The following CTNNA2 variants were observed in gnomAD, a reference collection of about 807,000 sequenced individuals.
CTNNA2 encodes catenin alpha-2.
In CTNNA2, 42 loss-of-function variants were observed where a neutral mutation model predicts 101.0. That is an observed-to-expected ratio of 0.42 (90% CI 0.32 to 0.54). The LOEUF is 0.54. CTNNA2 is among the 20% of genes least tolerant of loss of function. CTNNA2 has a pLI of 0.14. For synonymous variants in CTNNA2, 450 were observed against 456.4 expected (o/e 0.99, Z 0.18); for missense variants, 871 against 1,223.1 (o/e 0.71, Z 4.29).
intron 7 of CTNNA2, among the ~76,000 whole-genome samples, chr2:80,292,786 TTTGA>T (rs1191062426): frequency 6.6e-6 from 1 of 152,240 alleles, no homozygotes; most frequent in Non-Finnish European, 1.5e-5. Flanking sequence ...GTTGTGCTAC[TTTGA>T]TTGAATGAGT....
chr2:80,498,556 G>A (rs1265494194), intron 9 of CTNNA2, among the ~76,000 whole-genome samples: 1 of 152,102 alleles, frequency 6.6e-6, no homozygotes, highest in Non-Finnish European at 1.5e-5. Context: ...GTGAATACAT[G>A]AAGATGCCTT....
At chr2:80,050,731 C>T (rs543805264) in intron 7 of CTNNA2, among the ~76,000 whole-genome samples, 1 of 152,282 alleles carries the variant, frequency 6.6e-6, no homozygotes, top group Admixed American at 6.5e-5. Flanking sequence ...GGTGGGGTCT[C>T]ACCCTGTCAC....
At chr2:80,188,944 C>CTTTTT (rs34090029) in intron 7 of CTNNA2, among the ~76,000 whole-genome samples, 2 of 74,686 alleles carry the variant, frequency 2.7e-5, no homozygotes, top group African/African-American at 6.1e-5. Context: ...CAGGTGGTCA[C>CTTTTT]TTTTTTTTTT....
At chr2:79,197,170 A>T (rs1238258916) in intron 1 of CTNNA2, among the ~76,000 whole-genome samples, 1 of 152,210 alleles carries the variant, frequency 6.6e-6, no homozygotes, top group Non-Finnish European at 1.5e-5. Flanking sequence ...ATGTGGAAAT[A>T]AATAAAGAGC....
chr2:80,049,530 C>T (rs1696735040), intron 7 of CTNNA2, among the ~76,000 whole-genome samples: 1 of 152,208 alleles, frequency 6.6e-6, no homozygotes, highest in Non-Finnish European at 1.5e-5. Flanking sequence ...GGACCTCCAA[C>T]CCCCTTGAAC....
chr2:80,070,392 C>T (rs906583365), intron 7 of CTNNA2, among the ~76,000 whole-genome samples: 5 of 152,082 alleles, frequency 3.3e-5, no homozygotes, highest in African/African-American at 1.2e-4. Context: ...CATAAAGCAA[C>T]AGAAATTTGT....
chr2:79,401,705 C>A (rs1169803560), intron 4 of CTNNA2, among the ~76,000 whole-genome samples: 4 of 151,216 alleles, frequency 2.6e-5, no homozygotes, highest in African/African-American at 7.3e-5. Context: ...CTAAAAAAAA[C>A]CCAGATGTAA....
At chr2:79,893,364 T>C (rs1484050588) in intron 6 of CTNNA2, among the ~76,000 whole-genome samples, 1 of 152,116 alleles carries the variant, frequency 6.6e-6, no homozygotes, top group East Asian at 1.9e-4. Context: ...TTTTATGGGA[T>C]TGGGAAGAGG....
At chr2:79,219,136 CT>C (rs1314057540) in intron 2 of CTNNA2, among the ~76,000 whole-genome samples, 1 of 152,118 alleles carries the variant, frequency 6.6e-6, no homozygotes, top group African/African-American at 2.4e-5. Flanking sequence ...CATGAGCATC[CT>C]TCACATTCTA....
chr2:80,275,700 C>CAG (rs1276650771), intron 7 of CTNNA2, among the ~76,000 whole-genome samples: 25 of 151,644 alleles, frequency 1.6e-4, no homozygotes, highest in African/African-American at 6.0e-4. Flanking sequence ...AAGAATTTTT[C>CAG]AGAGAGAGAG....
At chr2:80,550,378 C>T (rs1203205898) in intron 11 of CTNNA2, among the ~76,000 whole-genome samples, 1 of 152,186 alleles carries the variant, frequency 6.6e-6, no homozygotes, top group African/African-American at 2.4e-5. Flanking sequence ...TGAAGGATGG[C>T]GTGGCTGTGG....
intron 6 of CTNNA2, among the ~76,000 whole-genome samples, chr2:79,883,109 G>A (rs983562310): frequency 4.6e-5 from 7 of 152,106 alleles, no homozygotes; most frequent in Admixed American, 6.5e-5. Context: ...GCCTCCGATC[G>A]CCTCTGTTTC....
At chr2:80,007,706 A>T (rs1172878982) in intron 7 of CTNNA2, among the ~76,000 whole-genome samples, 1 of 152,208 alleles carries the variant, frequency 6.6e-6, no homozygotes, top group Admixed American at 6.5e-5. Context: ...GATCAGATTT[A>T]GGAGGCTTGG....
intron 2 of CTNNA2, among the ~76,000 whole-genome samples, chr2:79,695,231 A>G (rs1030075866): frequency 3.9e-5 from 6 of 151,996 alleles, no homozygotes; most frequent in African/African-American, 1.4e-4. Flanking sequence ...CATCTTGGAC[A>G]CACTTTAGTG....
At chr2:79,593,983 G>A (rs759193243) in intron 1 of CTNNA2, among the ~76,000 whole-genome samples, 1 of 147,062 alleles carries the variant, frequency 6.8e-6, no homozygotes, top group African/African-American at 2.5e-5. Context: ...CGGCCTCCCA[G>A]GTTCAAGCAA....
At chr2:79,827,559 C>T (rs1020718910) in intron 3 of CTNNA2, among the ~76,000 whole-genome samples, 3 of 152,156 alleles carry the variant, frequency 2.0e-5, no homozygotes, top group African/African-American at 7.2e-5. Context: ...AGGAGCATGA[C>T]ACATGGAATG....
At chr2:80,275,003 GT>G (rs1281046314) in intron 7 of CTNNA2, among the ~76,000 whole-genome samples, 1 of 152,198 alleles carries the variant, frequency 6.6e-6, no homozygotes, top group East Asian at 1.9e-4. Flanking sequence ...TAGAAGGTAT[GT>G]AATAATTAGA....
chr2:79,832,894 T>C (rs190153823), intron 3 of CTNNA2, among the ~76,000 whole-genome samples: 95 of 152,356 alleles, frequency 6.2e-4, no homozygotes, highest in African/African-American at 2.2e-3. Flanking sequence ...ACTATTCTCG[T>C]AAATTTTAAA....
intron 6 of CTNNA2, among the ~76,000 whole-genome samples, chr2:79,903,805 A>T: frequency 6.6e-6 from 1 of 152,276 alleles, no homozygotes; most frequent in South Asian, 2.1e-4. Context: ...TCATTGGAGG[A>T]GTCCCTGTTG....
Sources: gnomAD v4.1 joint callset for allele counts (sites outside exome capture counted in the v4.1 genomes callset) on GRCh38, gnomAD v4.1.1 for gene constraint, MANE v1.5 for transcripts, NCBI Gene and HGNC (gene_info 2026-07-23, HGNC 2026-07-21) for gene names.